HCN1: variants seen among roughly 807,000 people sequenced by gnomAD.
HCN1 encodes hyperpolarization activated cyclic nucleotide gated potassium channel 1, also known as potassium/sodium hyperpolarization-activated cyclic nucleotide-gated channel 1.
A neutral mutation model predicts 78.9 loss-of-function variants in HCN1; 13 were observed. The observed-to-expected ratio is 0.16, with a 90% CI of 0.11 to 0.26. HCN1 has a LOEUF of 0.26. Ranked by LOEUF, HCN1 falls within the 10% of genes least tolerant of loss-of-function variation. The pLI, the probability that HCN1 is intolerant of heterozygous loss-of-function variation, is 1.00. For missense variants in HCN1, 810 were observed against 1,154.3 expected (o/e 0.70, Z 4.32); for synonymous variants, 552 against 455.5 (o/e 1.21, Z -2.70).
At chr5:45,436,059 A>G (rs1740555391) in intron 3 of HCN1, among the ~76,000 whole-genome samples, 1 of 152,186 alleles carries the variant, frequency 6.6e-6, no homozygotes, top group African/African-American at 2.4e-5. Context: ...AGTTTTCTCT[A>G]TATTTACAAA....
chr5:45,366,146 G>C (rs1341876242), intron 4 of HCN1, among the ~76,000 whole-genome samples: 2 of 149,890 alleles, frequency 1.3e-5, no homozygotes, highest in Non-Finnish European at 3.0e-5. Flanking sequence ...TGCACTGATT[G>C]TTGTTACATT....
intron 2 of HCN1, among the ~76,000 whole-genome samples, chr5:45,497,122 G>T (rs1742053658): frequency 6.6e-6 from 1 of 152,092 alleles, no homozygotes; most frequent in Non-Finnish European, 1.5e-5. Flanking sequence ...TTACTTCCAA[G>T]TATGTGGTCA....
intron 4 of HCN1, 115 bp from the exon 5 acceptor site, chr5:45,353,361 G>T (rs1332622278): frequency 1.3e-5 from 10 of 792,654 alleles, no homozygotes; most frequent in African/African-American, 1.8e-5. Context: ...CAAAAAAAAA[G>T]AAATCCTTTA....
At chr5:45,585,746 C>T (rs571594922) in intron 2 of HCN1, among the ~76,000 whole-genome samples, 7 of 152,264 alleles carry the variant, frequency 4.6e-5, no homozygotes, top group South Asian at 2.1e-4. Context: ...TTCTAACAGT[C>T]GGGACCCTCA....
At chr5:45,378,747 T>C (rs1747742893) in intron 4 of HCN1, among the ~76,000 whole-genome samples, 1 of 152,140 alleles carries the variant, frequency 6.6e-6, no homozygotes, top group African/African-American at 2.4e-5. Flanking sequence ...ACATTAGGTA[T>C]ATCTCCTAAT....
At chr5:45,555,532 A>G (rs1171835573) in intron 2 of HCN1, among the ~76,000 whole-genome samples, 5 of 151,924 alleles carry the variant, frequency 3.3e-5, no homozygotes, top group Non-Finnish European at 5.9e-5. Flanking sequence ...TCAAAGAGCT[A>G]GAAAAAAATT....
intron 2 of HCN1, among the ~76,000 whole-genome samples, chr5:45,624,774 C>A (rs1470106362): frequency 6.6e-6 from 1 of 151,556 alleles, no homozygotes; most frequent in Non-Finnish European, 1.5e-5. Flanking sequence ...GTAGCCTGGG[C>A]CCTCTTGTGT....
At chr5:45,300,059 C>G (rs1197202374) in intron 6 of HCN1, among the ~76,000 whole-genome samples, 1 of 152,030 alleles carries the variant, frequency 6.6e-6, no homozygotes, top group East Asian at 1.9e-4. Context: ...ATATTCCAGT[C>G]TTTGTATAAA....
intron 1 of HCN1, among the ~76,000 whole-genome samples, chr5:45,649,501 A>T (rs1363131125): frequency 6.6e-6 from 1 of 152,052 alleles, no homozygotes; most frequent in South Asian, 2.1e-4. Flanking sequence ...ACATAGAGAC[A>T]TGTATATACA....
chr5:45,691,502 G>T (rs937662224), intron 1 of HCN1, among the ~76,000 whole-genome samples: 7 of 152,050 alleles, frequency 4.6e-5, no homozygotes, highest in Admixed American at 3.3e-4. Flanking sequence ...TTCATGTTGT[G>T]TCTAACAGTT....
In HCN1 at chr5:45,257,779, G is replaced by A. The variant is rs1298382703; in HGVS notation, c.*4142C>T. The A allele has an allele frequency of 6.6e-6, 1 of 152,052 alleles. No homozygotes were observed. The allele number at this position is 152,052 out of a possible 1,614,324, so 9.4% of individuals were successfully genotyped here. ...GAAAATTTCTATCCTATTTTTCCTTGAAAATAACCATATTGAATACAGTTA... is the reference window on the plus strand; with the variant it reads ...GAAAATTTCTATCCTATTTTTCCTTAAAAATAACCATATTGAATACAGTTA... On this transcript the variant is annotated 3_prime_UTR_variant, in exon 8 of 8. Transcript: ENST00000303230.
chr5:45,352,985 A>G, intron 5 of HCN1, 115 bp downstream of exon 5: 2 of 837,806 alleles, frequency 2.4e-6, no homozygotes, highest in South Asian at 1.5e-5. Context: ...TAAGGACAAA[A>G]TATCTTAATA....
intron 3 of HCN1, among the ~76,000 whole-genome samples, chr5:45,407,773 G>T (rs1305305357): frequency 6.6e-6 from 1 of 152,066 alleles, no homozygotes; most frequent in Non-Finnish European, 1.5e-5. Flanking sequence ...GCCTCCTAAA[G>T]TGCTGAGATT....
chr5:45,567,766 C>T (rs1048777290), intron 2 of HCN1, among the ~76,000 whole-genome samples: 1 of 152,068 alleles, frequency 6.6e-6, no homozygotes, highest in African/African-American at 2.4e-5. Context: ...TCTGACCCTT[C>T]ACTTGAATGG....
chr5:45,629,199 G>A (rs2112008358), intron 2 of HCN1, among the ~76,000 whole-genome samples: 1 of 151,920 alleles, frequency 6.6e-6, no homozygotes, highest in East Asian at 1.9e-4. Context: ...AATAAAAACT[G>A]ATAGAACTGA....
chr5:45,261,938 A>G lies in HCN1; in HGVS notation c.2656T>C (p.Phe886Leu). The change falls in exon 8 of 8, where the codon TTT becomes CTT. Residue 886 changes from phenylalanine (F) to leucine (L), a missense_variant. Physicochemically the swap from Phe to Leu is conservative, Grantham distance 22. Transcript: ENST00000303230. ...AGCAGGGATCATAAATTTGAAGCAA[A>G]TCGTGGCTTTTCTGCGTCTGGGTCT... ...NTDPDAEKPR[F>L]ASNL The G allele has an allele frequency of 6.2e-7, 1 of 1,613,932 alleles. No individual in the cohort carries two copies. The highest frequency in any genetic ancestry group is 8.5e-7 in the Non-Finnish European group (1 of 1,179,994).
chr5:45,459,229 C>A (rs1202710822), intron 3 of HCN1, among the ~76,000 whole-genome samples: 3 of 151,402 alleles, frequency 2.0e-5, no homozygotes, highest in African/African-American at 7.3e-5. Flanking sequence ...CATAGCAAGA[C>A]CCCCATCTCA....
intron 5 of HCN1, among the ~76,000 whole-genome samples, chr5:45,344,978 C>T (rs1746668546): frequency 6.6e-6 from 1 of 152,182 alleles, no homozygotes; most frequent in African/African-American, 2.4e-5. Context: ...CAGAGGTTCT[C>T]CATGAGGGCC....
chr5:45,584,455 C>A (rs1278705679), intron 2 of HCN1, among the ~76,000 whole-genome samples: 2 of 152,138 alleles, frequency 1.3e-5, no homozygotes, highest in African/African-American at 4.8e-5. Flanking sequence ...CTGAATACAG[C>A]ACACTGATGG....
Sources: gnomAD v4.1 joint callset for allele counts (sites outside exome capture counted in the v4.1 genomes callset) on GRCh38, gnomAD v4.1.1 for gene constraint, MANE v1.5 for transcripts, NCBI Gene and HGNC (gene_info 2026-07-23, HGNC 2026-07-21) for gene names.